Variants in CPED1 observed in about 807,000 individuals in gnomAD.
CPED1 encodes cadherin-like and PC-esterase domain-containing protein 1.
Under a neutral mutation model 128.2 loss-of-function variants are expected in CPED1, and 114 were observed. That is an observed-to-expected ratio of 0.89 (90% confidence interval 0.76 to 1.04). The LOEUF is 1.04. Ranked by LOEUF, CPED1 falls within the 50% of genes least tolerant of loss-of-function variation. The pLI is 0.00. For missense variants in CPED1, 1,211 were observed against 1,207.1 expected, an observed-to-expected ratio of 1.00 and a Z score of -0.05; for synonymous variants, 462 against 426.7, an observed-to-expected ratio of 1.08 and a Z score of -1.02.
chr7:121,063,184 G>A (rs138342273), intron 4 of CPED1, among the ~76,000 whole-genome samples: 2 of 152,206 alleles, frequency 1.3e-5, no homozygotes, highest in Non-Finnish European at 2.9e-5. Flanking sequence ...TCGGGGAAAA[G>A]AGAGTTTGCT....
chr7:121,221,377 G>C (rs1042487474), intron 16 of CPED1, among the ~76,000 whole-genome samples: 1 of 152,158 alleles, frequency 6.6e-6, no homozygotes, highest in East Asian at 1.9e-4. Context: ...TGGACATTTG[G>C]GTTGGTTCCA....
intron 16 of CPED1, among the ~76,000 whole-genome samples, chr7:121,189,820 T>C (rs1797095774): frequency 7.2e-6 from 1 of 138,876 alleles, no homozygotes; most frequent in African/African-American, 2.7e-5. Context: ...TATTGCCTAT[T>C]TTATCATCTT....
rs1360265952 is a variant in CPED1, at chr7:121,295,859, C to T, written c.*207C>T. ...TATGAATTCAAGATGTGACCTTGAA[C>T]ACCAGTCCATTTCACAGTGAAAGAT... On this transcript the variant is annotated 3_prime_UTR_variant, in exon 23 of 23. Coordinates refer to ENST00000310396, the MANE Select transcript of CPED1 (RefSeq NM_024913.5). 7 of 480,488 alleles carry T rather than the reference C, an allele frequency of 1.5e-5. No homozygotes were observed. In the East Asian group the frequency reaches 1.7e-4, roughly 12 times the overall value. 29.8% of individuals were successfully genotyped at this position (480,488 alleles called of 1,614,324 possible).
At chr7:121,139,535 G>T (rs1795855663) in intron 14 of CPED1, among the ~76,000 whole-genome samples, 1 of 151,800 alleles carries the variant, frequency 6.6e-6, no homozygotes, top group Admixed American at 6.6e-5. Flanking sequence ...GTCCATCAAA[G>T]AAAAATAAAA....
At chr7:121,097,944 C>G in intron 6 of CPED1, 113 bp downstream of exon 6, 1 of 1,061,782 alleles carries the variant, frequency 9.4e-7, no homozygotes, top group East Asian at 2.6e-5. Flanking sequence ...ATTAGTTTCT[C>G]TTACATAAAT....
chr7:121,295,429 T>C lies in CPED1; in HGVS notation c.2869-11T>C. 6.2e-7 allele frequency: 1 copy of C among 1,604,766 alleles called. No homozygotes were observed. Reference sequence around the variant, plus strand: ...ATTTTGCCTCACAGTTTTCTTGCTCTTCATTTACAGGTAGTGAAATCAAAG... The same window carrying C: ...ATTTTGCCTCACAGTTTTCTTGCTCCTCATTTACAGGTAGTGAAATCAAAG... On this transcript the variant is annotated splice_polypyrimidine_tract_variant and intron_variant, in intron 22 of 22. Transcript: ENST00000310396.
At chr7:121,117,098 T>TATAAAA (rs1226906588) in intron 7 of CPED1, among the ~76,000 whole-genome samples, 1 of 134,660 alleles carries the variant, frequency 7.4e-6, no homozygotes, top group Non-Finnish European at 1.6e-5. Flanking sequence ...TATATATATA[T>TATAAAA]AAATATATAT....
chr7:121,098,745 A>ATAT (rs1563024757), intron 6 of CPED1, among the ~76,000 whole-genome samples: 2,734 of 33,938 alleles, frequency 0.081, 155 homozygotes, highest in African/African-American at 0.15. Context: ...TATATATATA[A>ATAT]AAATATATAA....
At chr7:121,252,281 A>T (rs1358279889) in intron 18 of CPED1, among the ~76,000 whole-genome samples, 1 of 152,096 alleles carries the variant, frequency 6.6e-6, no homozygotes, top group East Asian at 1.9e-4. Context: ...CTGAAACTGG[A>T]TCCCTTCCTT....
rs534837264 is a variant in CPED1 at position 121,031,686 on chromosome 7, G to A, written c.434-15201G>A. 2.0e-5 allele frequency among the ~76,000 whole-genome samples: 3 copies of A among 152,206 alleles called. No individual in the cohort carries two copies. The East Asian group carries it at 5.8e-4, about 29-fold the overall frequency. ...TCTTCAGTATTAGACATTATCACAT[G>A]TCTTCAGTATTGGATATTTATCTCA... On this transcript the variant is annotated intron_variant, in intron 3 of 22. Coordinates refer to ENST00000310396, the MANE Select transcript of CPED1 (RefSeq NM_024913.5).
chr7:121,287,946 A>G (rs914743995), intron 22 of CPED1, among the ~76,000 whole-genome samples: 1 of 152,166 alleles, frequency 6.6e-6, no homozygotes, highest in African/African-American at 2.4e-5. Flanking sequence ...AAGCTATACA[A>G]TTTTCAAATG....
At chr7:121,089,679 T>C (rs1454581965) in intron 5 of CPED1, among the ~76,000 whole-genome samples, 2 of 152,226 alleles carry the variant, frequency 1.3e-5, no homozygotes, top group East Asian at 3.8e-4. Context: ...AAGTTTACTA[T>C]TAATAAAGTG....
chr7:121,185,457 A>G (rs946332371), intron 16 of CPED1, among the ~76,000 whole-genome samples: 1 of 152,144 alleles, frequency 6.6e-6, no homozygotes, highest in Admixed American at 6.6e-5. Context: ...CTATTAAATC[A>G]CAGGAGATAG....
intron 16 of CPED1, among the ~76,000 whole-genome samples, chr7:121,171,563 C>T (rs1313906236): frequency 3.9e-5 from 6 of 152,148 alleles, no homozygotes. Flanking sequence ...ATCTCCTGAG[C>T]CTGTTCCCCC....
chr7:121,126,286 G>T (rs895293352), intron 9 of CPED1, among the ~76,000 whole-genome samples: 3 of 151,496 alleles, frequency 2.0e-5, no homozygotes, highest in Admixed American at 2.0e-4. Flanking sequence ...GTTTAAAATT[G>T]GTTTATATTT....
intron 3 of CPED1, among the ~76,000 whole-genome samples, chr7:121,043,876 G>A (rs976048734): frequency 1.3e-5 from 2 of 152,224 alleles, no homozygotes; most frequent in East Asian, 3.8e-4. Flanking sequence ...AATGTATCCC[G>A]TCTGAGGGCT....
At chr7:121,243,310 C>T (rs1169694749) in intron 17 of CPED1, among the ~76,000 whole-genome samples, 1 of 151,890 alleles carries the variant, frequency 6.6e-6, no homozygotes, top group East Asian at 1.9e-4. Flanking sequence ...CACTCAATTC[C>T]TGAAACGATG....
At position 121,261,743 on chromosome 7, in the gene CPED1, G is replaced by C. The variant is rs865853327; in HGVS notation, c.2311-4484G>C. 1.9e-6 allele frequency: 3 copies of C among 1,576,492 alleles called. No homozygotes were observed. The African/African-American group carries it at 4.1e-5, about 21-fold the overall frequency. ...CCACCCCTGCACATAAACCTGACTT[G>C]AATCACCTGGACTATTTTTCTGAGA... On this transcript the variant is annotated intron_variant, in intron 18 of 22. Coordinates refer to ENST00000310396, the MANE Select transcript of CPED1 (RefSeq NM_024913.5).
At chr7:121,060,948 G>A (rs1047440378) in intron 4 of CPED1, among the ~76,000 whole-genome samples, 1 of 151,978 alleles carries the variant, frequency 6.6e-6, no homozygotes, top group African/African-American at 2.4e-5. Flanking sequence ...GAGCCCCCCG[G>A]GAGGAACGAA....
Sources: gnomAD v4.1 joint callset for allele counts (sites outside exome capture counted in the v4.1 genomes callset) on GRCh38, gnomAD v4.1.1 for gene constraint, MANE v1.5 for transcripts, NCBI Gene and HGNC (gene_info 2026-07-23, HGNC 2026-07-21) for gene names.